The following SGCZ variants were observed in gnomAD, a reference collection of about 807,000 sequenced individuals.
The protein encoded by SGCZ is sarcoglycan zeta, also known as zeta-sarcoglycan.
In SGCZ, 40 loss-of-function variants were observed where a neutral mutation model predicts 41.3. That is an observed-to-expected ratio of 0.97 (90% CI 0.75 to 1.26). The LOEUF (loss-of-function observed/expected upper bound fraction) is 1.26. Among genes scored for constraint, SGCZ ranks in the 50% most tolerant of loss-of-function variants. The pLI is 0.00. For missense variants in SGCZ, 552 were observed against 369.8 expected, an observed-to-expected ratio of 1.49 and a Z score of -4.04; for synonymous variants, 206 against 137.5, an observed-to-expected ratio of 1.50 and a Z score of -3.49.
In SGCZ at chr8:14,785,274, A is replaced by T. The variant is rs909022358; in HGVS notation, c.40-230348T>A. 3.3e-5 allele frequency among the ~76,000 whole-genome samples: 5 copies of T among 151,986 alleles called. No homozygotes were observed. The East Asian group carries it at 9.6e-4, about 29-fold the overall frequency. The stretch of plus-strand genomic sequence containing the variant: ...ATTTATCCAATAAAAGTTATTTCAA[A>T]AAGAACCAGACAAAAAGTTGTCCTT... On this transcript the variant is annotated intron_variant, in intron 1 of 7. Transcript: ENST00000382080.
At chr8:14,230,319 T>G (rs1042056370) in intron 4 of SGCZ, among the ~76,000 whole-genome samples, 1 of 152,106 alleles carries the variant, frequency 6.6e-6, no homozygotes, top group Non-Finnish European at 1.5e-5. Context: ...ACACATGCAG[T>G]GTGAACAAAA....
At chr8:14,702,805 G>GAACAATTCTTACCTCCTCCAT in intron 1 of SGCZ, among the ~76,000 whole-genome samples, 1 of 135,166 alleles carries the variant, frequency 7.4e-6, no homozygotes, top group Non-Finnish European at 1.6e-5. Flanking sequence ...AGACAGGTAG[G>GAACAATTCTTACCTCCTCCAT]TAGTTAGGTA....
At chr8:15,081,493 CTTT>C (rs10659307) in intron 1 of SGCZ, among the ~76,000 whole-genome samples, 5 of 139,680 alleles carry the variant, frequency 3.6e-5, no homozygotes, top group Admixed American at 7.2e-5. Context: ...GATCCAATGG[CTTT>C]TTTTTTTTTT....
chr8:14,969,722 A>C (rs979941937), intron 1 of SGCZ, among the ~76,000 whole-genome samples: 1 of 151,726 alleles, frequency 6.6e-6, no homozygotes, highest in East Asian at 1.9e-4. Context: ...TTAATTGTTC[A>C]CTCTTTTCTA....
intron 1 of SGCZ, among the ~76,000 whole-genome samples, chr8:14,820,823 T>C (rs943114970): frequency 6.7e-6 from 1 of 148,696 alleles, no homozygotes; most frequent in Non-Finnish European, 1.5e-5. Context: ...CTATGGAACA[T>C]AGCAAAAGCA....
rs556747967 is a variant in SGCZ at position 14,094,711 on chromosome 8, ACT to A, written c.745-4076_745-4075del. On this transcript the variant is annotated intron_variant, in intron 7 of 7. Transcript: ENST00000382080. ...TTCTAGATCCTTGAGGAATCTCCGC[ACT>A]GTCTTCCACAATGGTTGAACTAATT... 3.6e-3 allele frequency among the ~76,000 whole-genome samples: 549 copies of A among 152,240 alleles called. 1 individual carries two copies. The highest frequency in any genetic ancestry group is 6.4e-3 in the Non-Finnish European group (437 of 68,026).
intron 2 of SGCZ, among the ~76,000 whole-genome samples, chr8:14,444,513 G>A (rs971328396): frequency 1.3e-5 from 2 of 152,054 alleles, no homozygotes; most frequent in Non-Finnish European, 2.9e-5. Context: ...TCCTTTGTAG[G>A]AACATGGATG....
At chr8:14,885,984 GTTATATATATATATATATAT>G (rs1804777373) in intron 1 of SGCZ, among the ~76,000 whole-genome samples, 1 of 58,382 alleles carries the variant, frequency 1.7e-5, no homozygotes, top group African/African-American at 6.6e-5. Flanking sequence ...AGGACTTTAT[GTTATATATATATATATATAT>G]ATATATATAT....
chr8:14,321,242 A>G (rs1801908807), intron 3 of SGCZ, among the ~76,000 whole-genome samples: 1 of 152,078 alleles, frequency 6.6e-6, no homozygotes, highest in South Asian at 2.1e-4. Context: ...TTGAATTCTA[A>G]GATATTTCCT....
At chr8:14,582,970 C>T (rs549500576) in intron 1 of SGCZ, among the ~76,000 whole-genome samples, 1 of 151,836 alleles carries the variant, frequency 6.6e-6, no homozygotes. Context: ...AATAAAAATA[C>T]GTGTGCATGT....
At chr8:14,726,432 A>G (rs1421143044) in intron 1 of SGCZ, among the ~76,000 whole-genome samples, 1 of 150,286 alleles carries the variant, frequency 6.7e-6, no homozygotes, top group Non-Finnish European at 1.5e-5. Flanking sequence ...GAGTAGAAAA[A>G]TGTCATATAC....
At chr8:14,575,703 T>C (rs1160788576) in intron 1 of SGCZ, among the ~76,000 whole-genome samples, 1 of 151,942 alleles carries the variant, frequency 6.6e-6, no homozygotes, top group Non-Finnish European at 1.5e-5. Flanking sequence ...GGTCAGGAGT[T>C]CGAGATCAGC....
At chr8:14,977,462 T>G (rs918784514) in intron 1 of SGCZ, among the ~76,000 whole-genome samples, 5 of 152,252 alleles carry the variant, frequency 3.3e-5, no homozygotes, top group African/African-American at 9.6e-5. Context: ...TCATTTTATC[T>G]AACTACTACA....
intron 2 of SGCZ, among the ~76,000 whole-genome samples, chr8:14,389,654 T>G (rs1026888943): frequency 1.3e-5 from 2 of 151,912 alleles, no homozygotes; most frequent in African/African-American, 4.8e-5. Flanking sequence ...AAATTAGTAC[T>G]TAAGAATATG....
At chr8:14,717,746 C>T (rs1200279500) in intron 1 of SGCZ, among the ~76,000 whole-genome samples, 1 of 152,102 alleles carries the variant, frequency 6.6e-6, no homozygotes, top group East Asian at 1.9e-4. Context: ...TTAGCTGGCA[C>T]TTGAATTCTA....
At chr8:14,303,211 C>A (rs1276446966) in intron 3 of SGCZ, among the ~76,000 whole-genome samples, 1 of 152,118 alleles carries the variant, frequency 6.6e-6, no homozygotes, top group Admixed American at 6.5e-5. Flanking sequence ...CTCAACGCAT[C>A]CTTAAATTAA....
intron 1 of SGCZ, among the ~76,000 whole-genome samples, chr8:15,213,924 T>C (rs965758286): frequency 6.6e-6 from 1 of 152,022 alleles, no homozygotes; most frequent in African/African-American, 2.4e-5. Flanking sequence ...ATTAACAACA[T>C]CAAATTATAC....
chr8:14,347,840 A>G (rs2117096172), intron 2 of SGCZ, among the ~76,000 whole-genome samples: 1 of 152,190 alleles, frequency 6.6e-6, no homozygotes, highest in South Asian at 2.1e-4. Flanking sequence ...TCATACACCA[A>G]AGAAGTGAAC....
At chr8:14,744,683 C>T (rs1483234310) in intron 1 of SGCZ, among the ~76,000 whole-genome samples, 1 of 152,118 alleles carries the variant, frequency 6.6e-6, no homozygotes, top group East Asian at 1.9e-4. Context: ...AATAGTAACA[C>T]TTGCAGAATG....
Sources: gnomAD v4.1 joint callset for allele counts (sites outside exome capture counted in the v4.1 genomes callset) on GRCh38, gnomAD v4.1.1 for gene constraint, MANE v1.5 for transcripts, NCBI Gene and HGNC (gene_info 2026-07-23, HGNC 2026-07-21) for gene names.